MEIG1: variants seen among roughly 807,000 people sequenced by gnomAD.
MEIG1 encodes the protein meiosis expressed gene 1 protein homolog.
MEIG1 carries 12 observed loss-of-function variants against 11.3 expected under a neutral mutation model. The ratio of observed to expected loss-of-function variants is 1.07; its 90% confidence interval spans 0.68 to 1.73. MEIG1 has a LOEUF of 1.73. Among genes scored for constraint, MEIG1 ranks in the 40% most tolerant of loss-of-function variants. The pLI, the probability that MEIG1 is intolerant of heterozygous loss-of-function variation, is 0.00. For synonymous variants in MEIG1, 41 were observed against 33.2 expected, an observed-to-expected ratio of 1.24 and a Z score of -0.81; for missense variants, 119 against 104.9, an observed-to-expected ratio of 1.13 and a Z score of -0.59.
intron 2 of MEIG1, among the ~76,000 whole-genome samples, chr10:14,970,790 C>T (rs1443803982): frequency 1.3e-5 from 2 of 152,098 alleles, no homozygotes; most frequent in Non-Finnish European, 2.9e-5. Flanking sequence ...TCATGGGGAA[C>T]AGAAAAGGTG....
intron 1 of MEIG1, among the ~76,000 whole-genome samples, chr10:14,980,799 T>G (rs541195406): frequency 2.6e-5 from 4 of 152,236 alleles, no homozygotes; most frequent in Admixed American, 6.6e-5. Context: ...CTCCGGACCT[T>G]CCCACTGAAA....
At chr10:14,976,136 G>A (rs556006074), downstream of MEIG1, among the ~76,000 whole-genome samples, 1 of 152,256 alleles carries the variant, frequency 6.6e-6, no homozygotes, top group Admixed American at 6.5e-5. Context: ...GGGAGAGGGG[G>A]TTGATATTAC....
intron 2 of MEIG1, among the ~76,000 whole-genome samples, chr10:14,968,278 A>G (rs896270596): frequency 6.6e-6 from 1 of 152,010 alleles, no homozygotes; most frequent in Non-Finnish European, 1.5e-5. Flanking sequence ...ACTTGAGGTA[A>G]TGAGTTTGAG....
intron 1 of MEIG1, among the ~76,000 whole-genome samples, chr10:14,982,316 G>T (rs901947417): frequency 6.6e-6 from 1 of 152,022 alleles, no homozygotes; most frequent in African/African-American, 2.4e-5. Context: ...CTGGTGGTCG[G>T]TTCGTGGTAC....
chr10:14,967,725 A>G (rs572029206), intron 2 of MEIG1, among the ~76,000 whole-genome samples: 1 of 152,294 alleles, frequency 6.6e-6, no homozygotes, highest in East Asian at 1.9e-4. Context: ...CCCCAAAACA[A>G]CTACTAGTAA....
At chr10:14,982,579 C>A (rs1353140142) in intron 1 of MEIG1, among the ~76,000 whole-genome samples, 2 of 149,614 alleles carry the variant, frequency 1.3e-5, no homozygotes, top group Non-Finnish European at 3.0e-5. Context: ...AGGTGAAGGG[C>A]TGGTACACAA....
chr10:14,965,792 C>T (rs774189195), intron 1 of MEIG1, among the ~76,000 whole-genome samples: 30 of 151,366 alleles, frequency 2.0e-4, no homozygotes, highest in Admixed American at 5.3e-4. Context: ...CAGAAATGTG[C>T]AAACTATTAC....
At chr10:14,977,161 T>C (rs1182705014), downstream of MEIG1, among the ~76,000 whole-genome samples, 1 of 152,016 alleles carries the variant, frequency 6.6e-6, no homozygotes, top group East Asian at 1.9e-4. Context: ...CCTGTGATAG[T>C]ATTCATAATT....
chr10:14,974,476 T>G (rs1970512), downstream of MEIG1, among the ~76,000 whole-genome samples: 1 of 151,864 alleles, frequency 6.6e-6, no homozygotes, highest in African/African-American at 2.4e-5. Context: ...GCCTCTCCAC[T>G]ACGTGACCAT....
chr10:14,963,051 C>T (rs927322194), intron 1 of MEIG1, among the ~76,000 whole-genome samples: 11 of 86,322 alleles, frequency 1.3e-4, no homozygotes, highest in Non-Finnish European at 1.7e-4. Flanking sequence ...CGTGAGCCAC[C>T]GTCCTGTCCT....
chr10:14,984,848 A>G (rs1411278429), intron 1 of MEIG1, among the ~76,000 whole-genome samples: 1 of 151,960 alleles, frequency 6.6e-6, no homozygotes, highest in African/African-American at 2.4e-5. Flanking sequence ...GCAATATTCT[A>G]TAGAAATGTT....
chr10:14,986,337 CA>C (rs773265884), intron 1 of MEIG1, among the ~76,000 whole-genome samples: 1 of 152,178 alleles, frequency 6.6e-6, no homozygotes, highest in South Asian at 2.1e-4. Flanking sequence ...AAACAAAAAA[CA>C]AAAAACCAGC....
chr10:14,956,422 TA>T (rs35944502), upstream of MEIG1, among the ~76,000 whole-genome samples: 8 of 147,498 alleles, frequency 5.4e-5, no homozygotes, highest in Admixed American at 1.3e-4. Context: ...CTACTAAAAA[TA>T]AAAAAAAAAA....
At chr10:14,981,653 A>C (rs1843266512) in intron 1 of MEIG1, among the ~76,000 whole-genome samples, 1 of 152,176 alleles carries the variant, frequency 6.6e-6, no homozygotes, top group South Asian at 2.1e-4. Flanking sequence ...GGTCTCCCTC[A>C]GTCCAATAAC....
chr10:14,957,805 C>A (rs192238942), upstream of MEIG1, among the ~76,000 whole-genome samples: 104 of 152,236 alleles, frequency 6.8e-4, no homozygotes, highest in East Asian at 0.013. Flanking sequence ...GCCACCACTC[C>A]CAGCTAGTTC....
downstream of MEIG1, among the ~76,000 whole-genome samples, chr10:14,974,283 G>A (rs1164098267): frequency 3.9e-5 from 6 of 152,188 alleles, no homozygotes; most frequent in South Asian, 2.1e-4. Flanking sequence ...AGCCCTCTCC[G>A]CCTTTCATCT....
chr10:14,961,955 G>A (rs1843019527), intron 1 of MEIG1, among the ~76,000 whole-genome samples: 1 of 151,768 alleles, frequency 6.6e-6, no homozygotes, highest in Non-Finnish European at 1.5e-5. Context: ...CTACAGTCAT[G>A]GGCCACCACA....
upstream of MEIG1, among the ~76,000 whole-genome samples, chr10:14,954,638 G>C (rs1465884983): frequency 6.6e-6 from 1 of 151,954 alleles, no homozygotes; most frequent in Non-Finnish European, 1.5e-5. Context: ...GTGATCTTGG[G>C]GCAAATAAGA....
In MEIG1 at chr10:14,984,274, C is replaced by T. The variant is rs190857955; in HGVS notation, n.67-2522C>T. Among the ~76,000 whole-genome samples the T allele has an allele frequency of 1.8e-3, 279 of 152,022 alleles. 1 individual carries two copies. The highest frequency in any genetic ancestry group is 5.0e-3 in the African/African-American group (209 of 41,440). On this transcript the variant is annotated intron_variant and non_coding_transcript_variant, in intron 1 of 2. Transcript: ENST00000467536. ...GTGGGAGAGGGGGGTGATATTACTC[C>T]CCGATTTTTCCGAGGAGATTTCGTC... is the stretch of plus-strand genomic sequence containing the variant.
Sources: gnomAD v4.1 joint callset for allele counts (sites outside exome capture counted in the v4.1 genomes callset) on GRCh38, gnomAD v4.1.1 for gene constraint, MANE v1.5 for transcripts, NCBI Gene and HGNC (gene_info 2026-07-23, HGNC 2026-07-21) for gene names.